BAZ1A: variants seen among roughly 807,000 people sequenced by gnomAD.
The protein encoded by BAZ1A is bromodomain adjacent to zinc finger domain 1A, also known as bromodomain adjacent to zinc finger domain protein 1A.
BAZ1A carries 50 observed loss-of-function variants against 185.2 expected under a neutral mutation model. The ratio of observed to expected loss-of-function variants is 0.27; its 90% confidence interval spans 0.22 to 0.34. The LOEUF is 0.34. Ranked by LOEUF, BAZ1A falls within the 10% of genes least tolerant of loss-of-function variation. The pLI, the probability that BAZ1A is intolerant of heterozygous loss-of-function variation, is 1.00. For missense variants in BAZ1A, 1,356 were observed against 1,839.9 expected (o/e 0.74, Z 4.81); for synonymous variants, 571 against 615.6 (o/e 0.93, Z 1.07).
chr14:34,874,903 A>T lies in BAZ1A; in HGVS notation c.-59+235T>A, dbSNP rs2043019414. 1 of 188,388 alleles carries T rather than the reference A, an allele frequency of 5.3e-6. No homozygotes were observed. Among genetic ancestry groups the T allele is most frequent in the Admixed American group, 6.2e-5 (1 of 16,186 alleles). 11.7% of individuals were successfully genotyped at this position (188,388 alleles called of 1,614,324 possible). ...TCCTGCCGCCGCCTCACAATGGGGCAGGACGCCCCGCCGCGGGGGGCAGTG... is the reference window on the plus strand; with the variant it reads ...TCCTGCCGCCGCCTCACAATGGGGCTGGACGCCCCGCCGCGGGGGGCAGTG... On this transcript the variant is annotated intron_variant, in intron 1 of 26. Transcript: ENST00000360310. This position sits in a 1 kb window ranked among gnomAD's most constrained non-coding sequence, Gnocchi z 4.7.
intron 3 of BAZ1A, among the ~76,000 whole-genome samples, chr14:34,838,742 C>G (rs1447732719): frequency 3.3e-5 from 5 of 152,096 alleles, no homozygotes; most frequent in Admixed American, 3.3e-4. Context: ...CCAGGCTGGT[C>G]TTGAACTCCT....
intron 12 of BAZ1A, among the ~76,000 whole-genome samples, chr14:34,787,456 G>A (rs150089494): frequency 3.3e-3 from 497 of 151,274 alleles, no homozygotes; most frequent in Middle Eastern, 7.0e-3. Context: ...AGGCTGAGGC[G>A]GGCAGATCAC....
intron 3 of BAZ1A, among the ~76,000 whole-genome samples, chr14:34,857,380 G>A (rs562871999): frequency 3.3e-5 from 5 of 152,112 alleles, no homozygotes; most frequent in Non-Finnish European, 7.4e-5. Context: ...TCATGTAGTC[G>A]GCTCACTTGC....
At chr14:34,825,655 C>T (rs1201288182) in intron 4 of BAZ1A, among the ~76,000 whole-genome samples, 2 of 151,676 alleles carry the variant, frequency 1.3e-5, no homozygotes, top group Admixed American at 1.3e-4. Context: ...AAAGTTATTT[C>T]AGCTGGGTGC....
rs185310607 is a variant in BAZ1A at position 34,841,226 on chromosome 14, T to C, written c.393-15070A>G. Among the ~76,000 whole-genome samples the C allele has an allele frequency of 3.3e-4, 50 of 152,298 alleles. No homozygotes were observed. In the East Asian group the frequency reaches 5.0e-3, roughly 15 times the overall value. On this transcript the variant is annotated intron_variant, in intron 3 of 26. Coordinates refer to ENST00000360310, the MANE Select transcript of BAZ1A (RefSeq NM_013448.3). ...ACTAACTGGAAGGAGATGAAGGAAA[T>C]TGCAAGCATATCTTTGGAGAGAAAA... is the stretch of plus-strand genomic sequence containing the variant.
chr14:34,840,744 G>A (rs887649349), intron 3 of BAZ1A, among the ~76,000 whole-genome samples: 2 of 150,398 alleles, frequency 1.3e-5, no homozygotes, highest in Non-Finnish European at 3.0e-5. Context: ...GCGACAGAGT[G>A]AGACTCTGTC....
At chr14:34,859,980 G>A (rs762973792) in intron 3 of BAZ1A, among the ~76,000 whole-genome samples, 2 of 152,150 alleles carry the variant, frequency 1.3e-5, no homozygotes, top group Non-Finnish European at 2.9e-5. Context: ...AGGACCTAAG[G>A]AGTGGATCTA....
chr14:34,779,373 A>G (rs976313804), intron 17 of BAZ1A, among the ~76,000 whole-genome samples: 1 of 148,842 alleles, frequency 6.7e-6, no homozygotes, highest in African/African-American at 2.5e-5. Context: ...TTCGTTTTAA[A>G]TATTTTTTAG....
Position 34,874,316 on chromosome 14 carries a change from C to G in BAZ1A, c.113+176G>C. On this transcript the variant is annotated intron_variant, in intron 2 of 26. Transcript: ENST00000360310. The surrounding 1 kb of genome is among the most constrained non-coding windows in gnomAD (Gnocchi z 4.7). The stretch of plus-strand genomic sequence containing the variant: ...CCCCACGCGCGCCGCCGCCAGTTGG[C>G]CCCGCGCGTTCTCCAGGTGGAGGCC... The G allele has an allele frequency of 1.7e-6, 1 of 599,526 alleles. No homozygotes were observed. The highest frequency in any genetic ancestry group is 2.0e-5 in the South Asian group (1 of 49,848). The allele number at this position is 599,526 out of a possible 1,614,324, so 37.1% of individuals were successfully genotyped here. A position where few individuals can be genotyped will look rare whatever the true frequency, so the allele number is the denominator to read the frequency against.
intron 24 of BAZ1A, among the ~76,000 whole-genome samples, chr14:34,759,652 A>C (rs1886438957): frequency 6.9e-6 from 1 of 144,276 alleles, no homozygotes; most frequent in South Asian, 2.3e-4. Context: ...GTAAAAGATT[A>C]TTCTTACAGA....
intron 24 of BAZ1A, among the ~76,000 whole-genome samples, chr14:34,759,686 A>C (rs903565821): frequency 1.4e-5 from 2 of 143,928 alleles, no homozygotes; most frequent in South Asian, 2.2e-4. Flanking sequence ...TATTTTATTT[A>C]ATTTTTGAGA....
chr14:34,758,342 G>A (rs1886360454), intron 25 of BAZ1A, among the ~76,000 whole-genome samples: 1 of 150,482 alleles, frequency 6.6e-6, no homozygotes, highest in Non-Finnish European at 1.5e-5. Context: ...ACCACTTTGG[G>A]GGGCCGAGGT....
At chr14:34,785,001 G>A (rs1880342962) in intron 14 of BAZ1A, among the ~76,000 whole-genome samples, 1 of 152,110 alleles carries the variant, frequency 6.6e-6, no homozygotes, top group Non-Finnish European at 1.5e-5. Context: ...GACTACAGGT[G>A]CACAGCACCA....
At chr14:34,867,245 C>T (rs192113748) in intron 2 of BAZ1A, among the ~76,000 whole-genome samples, 33 of 151,784 alleles carry the variant, frequency 2.2e-4, no homozygotes, top group Non-Finnish European at 4.1e-4. Context: ...GGCAACAGAG[C>T]GAGACTCTGT....
rs1218218428 is a variant in BAZ1A at position 34,776,088 on chromosome 14, C to T, written c.2664G>A (p.Lys888=). The T allele has an allele frequency of 6.2e-7, 1 of 1,614,082 alleles. No individual in the cohort carries two copies. Among genetic ancestry groups the T allele is most frequent in the East Asian group, 2.2e-5 (1 of 44,900 alleles). Residue 888 remains lysine, a synonymous_variant, in exon 18 of 27, where the codon AAG becomes AAA. Transcript: ENST00000360310. ...HSVQLPKPVH[K]PNRWCFYSSC... ...AACTGTAAAAGCACCACCGATTTGG[C>T]TTATGCACTGGTTTTGGCAGCTGCA...
chr14:34,781,697 A>T (rs954023572), intron 16 of BAZ1A, among the ~76,000 whole-genome samples: 2 of 152,112 alleles, frequency 1.3e-5, no homozygotes, highest in African/African-American at 4.8e-5. Context: ...GGGTTTCACC[A>T]TGTTAGCCAG....
At chr14:34,831,454 G>A (rs557155797) in intron 3 of BAZ1A, among the ~76,000 whole-genome samples, 31 of 152,314 alleles carry the variant, frequency 2.0e-4, no homozygotes, top group African/African-American at 7.0e-4. Context: ...ACAGTGTGCA[G>A]TGAAAGGTGG....
chr14:34,797,172 A>C (rs894125864), intron 9 of BAZ1A, among the ~76,000 whole-genome samples: 4 of 152,222 alleles, frequency 2.6e-5, no homozygotes, highest in African/African-American at 9.6e-5. Flanking sequence ...GTTTATGATC[A>C]TGTTAGATAA....
At chr14:34,829,679 C>A (rs1039032496) in intron 3 of BAZ1A, among the ~76,000 whole-genome samples, 2 of 152,090 alleles carry the variant, frequency 1.3e-5, no homozygotes, top group Non-Finnish European at 2.9e-5. Context: ...TCAACAAATC[C>A]AAAGTATTGT....
Sources: allele counts gnomAD v4.1 joint callset (sites outside exome capture counted in the v4.1 genomes callset), GRCh38; gene constraint gnomAD v4.1.1; non-coding constraint Gnocchi (gnomAD v3.1); transcripts MANE v1.5; gene names NCBI Gene and HGNC (gene_info 2026-07-23, HGNC 2026-07-21).